The following HMBOX1 variants were observed in gnomAD, a reference collection of about 807,000 sequenced individuals.
HMBOX1 encodes the protein homeobox containing 1, also known as homeobox-containing protein 1.
HMBOX1 carries 14 observed loss-of-function variants against 54.5 expected under a neutral mutation model. That is an observed-to-expected ratio of 0.26 (90% confidence interval 0.17 to 0.40). The LOEUF (loss-of-function observed/expected upper bound fraction) is 0.40. Ranked by LOEUF, HMBOX1 falls within the 10% of genes least tolerant of loss-of-function variation. HMBOX1 has a pLI of 1.00. For synonymous variants in HMBOX1, 160 were observed against 181.0 expected (o/e 0.88, Z 0.93); for missense variants, 332 against 514.4 (o/e 0.65, Z 3.43).
intron 4 of HMBOX1, among the ~76,000 whole-genome samples, chr8:29,000,858 T>G (rs1318787682): frequency 6.6e-6 from 1 of 152,194 alleles, no homozygotes; most frequent in Non-Finnish European, 1.5e-5. Flanking sequence ...GAGGCCAAGT[T>G]AAAATGTCAC....
chr8:29,026,798 T>C (rs1433914861), intron 6 of HMBOX1, among the ~76,000 whole-genome samples: 1 of 152,212 alleles, frequency 6.6e-6, no homozygotes, highest in Non-Finnish European at 1.5e-5. Flanking sequence ...ATACTGATGG[T>C]TTTTAATTTG....
At chr8:28,902,863 A>G (rs1310380981) in intron 1 of HMBOX1, among the ~76,000 whole-genome samples, 2 of 152,206 alleles carry the variant, frequency 1.3e-5, no homozygotes, top group Non-Finnish European at 2.9e-5. Flanking sequence ...TATGATGGAA[A>G]TATTGTTGTG....
At chr8:28,965,302 GA>G (rs897500423) in intron 2 of HMBOX1, among the ~76,000 whole-genome samples, 5 of 152,134 alleles carry the variant, frequency 3.3e-5, no homozygotes, top group Non-Finnish European at 4.4e-5. Context: ...TTTGTACTTG[GA>G]TTTTTGTCAC....
intron 1 of HMBOX1, among the ~76,000 whole-genome samples, chr8:28,944,315 A>T (rs913397781): frequency 6.6e-6 from 1 of 152,228 alleles, no homozygotes; most frequent in Non-Finnish European, 1.5e-5. Flanking sequence ...TTTAGTAACT[A>T]GGAACAGAAA....
At chr8:28,920,273 T>C (rs1375812748) in intron 1 of HMBOX1, among the ~76,000 whole-genome samples, 1 of 152,192 alleles carries the variant, frequency 6.6e-6, no homozygotes, top group Non-Finnish European at 1.5e-5. Flanking sequence ...CAAATCACTA[T>C]TGAGTTCCTA....
At chr8:28,909,705 T>G (rs955360327) in intron 1 of HMBOX1, among the ~76,000 whole-genome samples, 2 of 152,176 alleles carry the variant, frequency 1.3e-5, no homozygotes, top group African/African-American at 4.8e-5. Context: ...AAAATGAGAC[T>G]TGAGAACTTC....
chr8:28,896,724 T>C (rs1287610951), intron 1 of HMBOX1, among the ~76,000 whole-genome samples: 1 of 152,210 alleles, frequency 6.6e-6, no homozygotes, highest in East Asian at 1.9e-4. Flanking sequence ...TACAGGTTTG[T>C]AGCCTAGGAG....
chr8:28,978,778 C>T (rs1319455002), intron 3 of HMBOX1, among the ~76,000 whole-genome samples: 1 of 108,290 alleles, frequency 9.2e-6, no homozygotes, highest in African/African-American at 3.7e-5. Context: ...CAGAGTGAGA[C>T]TCCGTCTCAA....
In HMBOX1 at chr8:28,970,054, C is replaced by T. The variant is rs1827128317; in HGVS notation, c.35C>T (p.Thr12Ile). 6.2e-7 allele frequency: 1 copy of T among 1,601,374 alleles called. No individual in the cohort carries two copies. ...CTCTTTTTTTTTAGTTTGCTGGAAA[C>T]CATGTCTCATTATACAGATGAACCC... The part of the protein sequence containing the change: ...LSSFPVVLLE[T>I]MSHYTDEPRF... Residue 12 changes from threonine (T) to isoleucine (I), a missense_variant, in exon 3 of 10, where the codon ACC (threonine) becomes ATC (isoleucine). By Grantham distance (89) the Thr-to-Ile change is moderately conservative (BLOSUM62 -1). Transcript: ENST00000287701. The surrounding 1 kb of genome is among the most constrained non-coding windows in gnomAD (Gnocchi z 4.3).
At chr8:29,007,770 T>A (rs1023319976) in intron 4 of HMBOX1, among the ~76,000 whole-genome samples, 1 of 152,132 alleles carries the variant, frequency 6.6e-6, no homozygotes, top group Non-Finnish European at 1.5e-5. Flanking sequence ...ATTGCGCCAC[T>A]GCACTCCAGC....
intron 1 of HMBOX1, among the ~76,000 whole-genome samples, chr8:28,936,686 C>A (rs1252632453): frequency 6.6e-6 from 1 of 151,028 alleles, no homozygotes; most frequent in Non-Finnish European, 1.5e-5. Flanking sequence ...GAAAATGAAT[C>A]TTTTTAATAT....
intron 3 of HMBOX1, among the ~76,000 whole-genome samples, chr8:28,974,339 T>C (rs1002594890): frequency 2.0e-5 from 3 of 152,194 alleles, no homozygotes; most frequent in Non-Finnish European, 2.9e-5. Flanking sequence ...TGTTTAAAAA[T>C]GCATCTATTA....
chr8:28,931,051 A>G (rs1424608037), intron 1 of HMBOX1, among the ~76,000 whole-genome samples: 1 of 151,886 alleles, frequency 6.6e-6, no homozygotes, highest in Non-Finnish European at 1.5e-5. Flanking sequence ...TTTCTCCTCA[A>G]CTCTCTTTTT....
Position 29,045,418 on chromosome 8 carries a change from T to C in HMBOX1, c.909T>C (p.Ala303=), listed in dbSNP as rs1805426684. The change falls in exon 7 of 10, where the codon GCT becomes GCC. Residue 303 remains alanine (A), a synonymous_variant. Coordinates refer to ENST00000287701, the MANE Select transcript of HMBOX1 (RefSeq NM_001135726.3). Reference sequence around the variant, plus strand: ...CAAAGAGGGAAGAAATTGCAAACGCTTGCAATGCAGTTATACAGAAGCCAG... The same window carrying C: ...CAAAGAGGGAAGAAATTGCAAACGCCTGCAATGCAGTTATACAGAAGCCAG... ...DEAKREEIAN[A]CNAVIQKPGK... 6.2e-7 allele frequency: 1 copy of C among 1,614,178 alleles called. No individual in the cohort carries two copies. Among genetic ancestry groups the C allele is most frequent in the Non-Finnish European group, 8.5e-7 (1 of 1,179,976 alleles).
Position 28,995,869 on chromosome 8 carries a change from G to T in HMBOX1, c.587-13203G>T, listed in dbSNP as rs563124014. ...TGTAATCCCAGCACTTTGGAAGGCC[G>T]CGGCGGGTGGATCACAAGGTCAGGA... On this transcript the variant is annotated intron_variant, in intron 4 of 9. Transcript: ENST00000287701. Among the ~76,000 whole-genome samples the T allele has an allele frequency of 2.0e-5, 3 of 152,160 alleles. No homozygotes were observed. The South Asian group carries it at 6.2e-4, about 31-fold the overall frequency.
intron 1 of HMBOX1, among the ~76,000 whole-genome samples, chr8:28,958,864 A>G (rs1824957361): frequency 1.3e-5 from 2 of 152,200 alleles, no homozygotes; most frequent in Admixed American, 1.3e-4. Flanking sequence ...ATCTATTGAT[A>G]TAATCATGTA....
chr8:28,916,386 GCTATTCA>G (rs1339228852), intron 1 of HMBOX1, among the ~76,000 whole-genome samples: 1 of 152,306 alleles, frequency 6.6e-6, no homozygotes, highest in African/African-American at 2.4e-5. Context: ...CAAATCCTAT[GCTATTCA>G]CAAAGAGTTT....
chr8:28,970,135 C>A lies in HMBOX1; in HGVS notation c.116C>A (p.Thr39Asn), dbSNP rs749083517. 6.2e-7 allele frequency: 1 copy of A among 1,614,058 alleles called. No individual in the cohort carries two copies. The highest frequency in any genetic ancestry group is 1.1e-5 in the South Asian group (1 of 91,082). ...LLQRLRRTGM[T>N]KHEILHALET... ...CAGCGACTTCGGCGTACTGGAATGA[C>A]TAAACATGAAATTCTCCATGCCTTG... The change falls in exon 3 of 10, where the codon ACT becomes AAT. Residue 39 changes from threonine to asparagine, a missense_variant. Thr to Asn is a moderately conservative substitution (Grantham distance 65). Around this residue, in one of 4 missense-constraint regions of HMBOX1, gnomAD observed 146 missense variants for 173.3 expected, o/e 0.84. Transcript: ENST00000287701. This position sits in a 1 kb window ranked among gnomAD's most constrained non-coding sequence, Gnocchi z 4.3.
intron 1 of HMBOX1, among the ~76,000 whole-genome samples, chr8:28,940,155 G>A (rs907759649): frequency 3.9e-5 from 6 of 151,986 alleles, no homozygotes; most frequent in Admixed American, 1.3e-4. Flanking sequence ...TTACATTCAT[G>A]TGCCACCACA....
Sources: allele counts gnomAD v4.1 joint callset (sites outside exome capture counted in the v4.1 genomes callset), GRCh38; gene constraint gnomAD v4.1.1; regional missense constraint gnomAD v4.1.1; non-coding constraint Gnocchi (gnomAD v3.1); transcripts MANE v1.5; gene names NCBI Gene and HGNC (gene_info 2026-07-23, HGNC 2026-07-21).